GABRG3: variants seen among roughly 807,000 people sequenced by gnomAD.
The protein encoded by GABRG3 is gamma-aminobutyric acid receptor subunit gamma-3.
In GABRG3, 25 loss-of-function variants were observed where a neutral mutation model predicts 48.8. That is an observed-to-expected ratio of 0.51 (90% CI 0.37 to 0.72). The LOEUF is 0.72. GABRG3 is among the 30% of genes least tolerant of loss of function. The probability of loss-of-function intolerance (pLI) is 0.00; values close to 1 mark genes in which losing one functional copy is unlikely to be tolerated. For synonymous variants in GABRG3, 227 were observed against 217.6 expected (o/e 1.04, Z -0.38); for missense variants, 394 against 577.9 (o/e 0.68, Z 3.26).
intron 5 of GABRG3, among the ~76,000 whole-genome samples, chr15:27,450,511 AC>A (rs777198832): frequency 6.6e-5 from 10 of 152,184 alleles, no homozygotes; most frequent in Non-Finnish European, 1.5e-4. Context: ...CAAAAATTCA[AC>A]ATATTTTCAT....
chr15:26,990,551 A>G (rs1047049937), intron 2 of GABRG3, among the ~76,000 whole-genome samples: 4 of 152,090 alleles, frequency 2.6e-5, no homozygotes, highest in Non-Finnish European at 5.9e-5. Context: ...ATAGTTTGCA[A>G]ATATTTTCTC....
intron 5 of GABRG3, among the ~76,000 whole-genome samples, chr15:27,446,430 A>G (rs1393266159): frequency 2.0e-5 from 3 of 152,216 alleles, no homozygotes; most frequent in African/African-American, 7.2e-5. Context: ...ATAGCATTCC[A>G]AATGAAAGCA....
chr15:27,433,163 G>A (rs1226632069), intron 5 of GABRG3, among the ~76,000 whole-genome samples: 1 of 152,150 alleles, frequency 6.6e-6, no homozygotes, highest in Non-Finnish European at 1.5e-5. Flanking sequence ...TTCTAACGTG[G>A]TCCTCAAAAT....
intron 3 of GABRG3, among the ~76,000 whole-genome samples, chr15:27,233,608 T>C (rs1889867226): frequency 6.6e-6 from 1 of 152,078 alleles, no homozygotes; most frequent in Non-Finnish European, 1.5e-5. Flanking sequence ...CATGACCTAA[T>C]TTCCTCCCAG....
intron 3 of GABRG3, among the ~76,000 whole-genome samples, chr15:27,198,034 T>C (rs1010662760): frequency 2.6e-5 from 4 of 152,138 alleles, no homozygotes; most frequent in African/African-American, 9.7e-5. Context: ...ATCTATTTTG[T>C]CAATCTTTTC....
At chr15:27,264,226 AC>A (rs1242892828) in intron 3 of GABRG3, among the ~76,000 whole-genome samples, 1 of 152,110 alleles carries the variant, frequency 6.6e-6, no homozygotes, top group African/African-American at 2.4e-5. Context: ...AAATAAAAGT[AC>A]CATATCCCTT....
At chr15:26,973,654 C>T (rs929691759) in intron 1 of GABRG3, among the ~76,000 whole-genome samples, 6 of 152,196 alleles carry the variant, frequency 3.9e-5, no homozygotes, top group African/African-American at 1.4e-4. Context: ...TTTTGACACC[C>T]ATGGGCATCA....
chr15:27,478,395 A>T (rs921007876), intron 5 of GABRG3, among the ~76,000 whole-genome samples: 1 of 152,250 alleles, frequency 6.6e-6, no homozygotes, highest in African/African-American at 2.4e-5. Flanking sequence ...CAACAAAAGC[A>T]TGAGAATATG....
chr15:27,490,624 A>G (rs1890326624), intron 6 of GABRG3, among the ~76,000 whole-genome samples: 1 of 152,008 alleles, frequency 6.6e-6, no homozygotes, highest in East Asian at 1.9e-4. Context: ...GTCCAATGAA[A>G]CTTTTCTTAC....
At chr15:27,095,065 G>T (rs544646003) in intron 3 of GABRG3, among the ~76,000 whole-genome samples, 1 of 152,158 alleles carries the variant, frequency 6.6e-6, no homozygotes, top group East Asian at 1.9e-4. Context: ...TGAGAGACAG[G>T]CATCTCTGCA....
intron 3 of GABRG3, among the ~76,000 whole-genome samples, chr15:27,101,842 TAAAAAAAAAAA>T (rs55887752): frequency 9.7e-5 from 7 of 72,530 alleles, no homozygotes; most frequent in African/African-American, 2.2e-4. Context: ...GCTGATGAGC[TAAAAAAAAAAA>T]AAAAAAAAAA....
intron 5 of GABRG3, among the ~76,000 whole-genome samples, chr15:27,468,453 G>A (rs1050076575): frequency 1.3e-5 from 2 of 152,266 alleles, no homozygotes; most frequent in Admixed American, 1.3e-4. Context: ...TGATAATGAG[G>A]TCCTAGGGGA....
In GABRG3 at chr15:27,308,695, A is replaced by ACTGT. The variant is rs1334764536; in HGVS notation, c.271-18114_271-18113insCTGT. Among the ~76,000 whole-genome samples, 3 of 149,544 alleles carry ACTGT rather than the reference A, an allele frequency of 2.0e-5. No individual in the cohort carries two copies. In the East Asian group the frequency reaches 6.2e-4, roughly 31 times the overall value. ...AACATACGCTTATGTATAAACATATAATGTAAACATACGTTTATATGTAAA... is the reference window on the plus strand; with the variant it reads ...AACATACGCTTATGTATAAACATATACTGTATGTAAACATACGTTTATATGTAAA... On this transcript the variant is annotated intron_variant, in intron 3 of 9. Transcript: ENST00000615808.
chr15:27,162,211 C>T (rs1179778138), intron 3 of GABRG3, among the ~76,000 whole-genome samples: 2 of 152,068 alleles, frequency 1.3e-5, no homozygotes, highest in Admixed American at 6.6e-5. Flanking sequence ...GGAGAGAGCC[C>T]AACCCAAGGA....
At chr15:27,454,876 G>A (rs1459766939) in intron 5 of GABRG3, among the ~76,000 whole-genome samples, 1 of 152,194 alleles carries the variant, frequency 6.6e-6, no homozygotes, top group African/African-American at 2.4e-5. Context: ...GCAATAATGA[G>A]TTCATTCAGT....
intron 2 of GABRG3, among the ~76,000 whole-genome samples, chr15:27,003,231 A>ATTTT (rs1381879803): frequency 5.9e-4 from 81 of 136,242 alleles, no homozygotes; most frequent in Middle Eastern, 3.6e-3. Context: ...TTATTTATTT[A>ATTTT]TTTATTTTTT....
At chr15:27,064,601 A>T (rs1411980629) in intron 3 of GABRG3, among the ~76,000 whole-genome samples, 1 of 152,086 alleles carries the variant, frequency 6.6e-6, no homozygotes, top group South Asian at 2.1e-4. Context: ...CATCCTAAAT[A>T]ATCTGGTGGG....
rs537155569 is a variant in GABRG3 at position 27,133,830 on chromosome 15, A to G, written c.270+107009A>G. Among the ~76,000 whole-genome samples, 19 of 152,358 alleles carry G rather than the reference A, an allele frequency of 1.2e-4. No homozygotes were observed. The South Asian group carries it at 2.7e-3, about 22-fold the overall frequency. Reference sequence around the variant, plus strand: ...ATCATTTTTGTTGGTGTAAATGTCTAGGTTCATCTTACGGTATGCACTTTT... The same window carrying G: ...ATCATTTTTGTTGGTGTAAATGTCTGGGTTCATCTTACGGTATGCACTTTT... On this transcript the variant is annotated intron_variant, in intron 3 of 9. Transcript: ENST00000615808.
chr15:27,458,946 T>C (rs2150834618), intron 5 of GABRG3, among the ~76,000 whole-genome samples: 1 of 152,310 alleles, frequency 6.6e-6, no homozygotes, highest in South Asian at 2.1e-4. Context: ...CACATTCTCT[T>C]CCTCTCTGGC....
Sources: gnomAD v4.1 joint callset for allele counts (sites outside exome capture counted in the v4.1 genomes callset) on GRCh38, gnomAD v4.1.1 for gene constraint, MANE v1.5 for transcripts, NCBI Gene and HGNC (gene_info 2026-07-23, HGNC 2026-07-21) for gene names.